ASPH: variants seen among roughly 807,000 people sequenced by gnomAD.
ASPH encodes aspartate beta-hydroxylase, also known as aspartyl/asparaginyl beta-hydroxylase.
A neutral mutation model predicts 118.4 loss-of-function variants in ASPH; 100 were observed. The ratio of observed to expected loss-of-function variants is 0.84; its 90% CI spans 0.72 to 1.00. ASPH has a LOEUF of 1.00. Among genes scored for constraint, ASPH ranks in the 50% least tolerant of loss-of-function variants. The pLI, the probability that ASPH is intolerant of heterozygous loss-of-function variation, is 0.00. For missense variants in ASPH, 920 were observed against 919.5 expected (o/e 1.00, Z -0.01); for synonymous variants, 315 against 325.6 (o/e 0.97, Z 0.35).
Position 61,625,792 on chromosome 8 carries a change from G to A in ASPH, c.935-6773C>T, listed in dbSNP as rs537323417. The A allele has an allele frequency of 5.8e-5, 57 of 986,112 alleles. No homozygotes were observed. In the South Asian group the frequency reaches 9.9e-4, roughly 17 times the overall value. 61.1% of individuals were successfully genotyped at this position (986,112 alleles called of 1,614,324 possible). On this transcript the variant is annotated intron_variant, in intron 13 of 24. Coordinates refer to ENST00000379454, the MANE Select transcript of ASPH (RefSeq NM_004318.4). ...ACAGCTAATGATGATCTCTGTTAGC[G>A]TTTTTAAGAGTGCTAACACAAAGTA...
At chr8:61,552,893 A>C (rs1826500418) in intron 20 of ASPH, 138 bp downstream of exon 20, 1 of 662,278 alleles carries the variant, frequency 1.5e-6, no homozygotes. Context: ...AAGATAGTTT[A>C]AGTAACTAAA....
chr8:61,610,842 G>T (rs1847095391), intron 14 of ASPH, among the ~76,000 whole-genome samples: 1 of 152,114 alleles, frequency 6.6e-6, no homozygotes, highest in South Asian at 2.1e-4. Flanking sequence ...CATCTCCAGT[G>T]GGCAGCAAAA....
intron 22 of ASPH, among the ~76,000 whole-genome samples, chr8:61,525,476 G>A (rs542370630): frequency 2.0e-5 from 3 of 152,238 alleles, no homozygotes; most frequent in Admixed American, 2.0e-4. Context: ...TGAGACAGCA[G>A]TTATTATTGT....
intron 1 of ASPH, among the ~76,000 whole-genome samples, chr8:61,700,462 T>C (rs1194007691): frequency 1.3e-5 from 2 of 152,150 alleles, no homozygotes; most frequent in African/African-American, 4.8e-5. Context: ...ATGGTCAAGA[T>C]CCTCTGCTAC....
chr8:61,622,381 G>A (rs901667216), intron 13 of ASPH, among the ~76,000 whole-genome samples: 6 of 152,144 alleles, frequency 3.9e-5, no homozygotes, highest in Non-Finnish European at 8.8e-5. Flanking sequence ...TACTGTACTC[G>A]TGTTCCAGCC....
intron 4 of ASPH, among the ~76,000 whole-genome samples, chr8:61,652,626 A>G (rs1434058926): frequency 6.6e-6 from 1 of 152,208 alleles, no homozygotes; most frequent in African/African-American, 2.4e-5. Context: ...ATGGCAGAAA[A>G]AAGAAATGTG....
chr8:61,713,061 AAC>A (rs1838437549), intron 1 of ASPH, among the ~76,000 whole-genome samples: 1 of 152,242 alleles, frequency 6.6e-6, no homozygotes, highest in Non-Finnish European at 1.5e-5. Flanking sequence ...GTGAAAAAGG[AAC>A]ACAAACTTTC....
chr8:61,504,252 A>C (rs554559281), intron 24 of ASPH, among the ~76,000 whole-genome samples: 21 of 152,316 alleles, frequency 1.4e-4, no homozygotes, highest in African/African-American at 5.1e-4. Flanking sequence ...AGAGTTTATG[A>C]GGGACACTGA....
chr8:61,513,818 T>C (rs867890643), intron 24 of ASPH, among the ~76,000 whole-genome samples: 47 of 152,134 alleles, frequency 3.1e-4, no homozygotes, highest in African/African-American at 9.9e-4. Context: ...CTAACCCTCC[T>C]CTGCCTCTGC....
At position 61,525,991 on chromosome 8, in the gene ASPH, G is replaced by A. The variant is rs199833011; in HGVS notation, c.1886C>T (p.Thr629Met). ...LREKGDWSQFTLWQQGRRNEN... is the reference protein window; with the variant it reads ...LREKGDWSQFMLWQQGRRNEN... ...CAGAAACTCACCTTGCTGCCACAGC[G>A]TGAACTGGCTCCAGTCCCCTTTTTC... Residue 629 changes from threonine (T) to methionine (M), a missense_variant, in exon 22 of 25, where the codon ACG becomes ATG. By Grantham distance (81) the Thr-to-Met change is moderately conservative. Transcript: ENST00000379454. 8.7e-5 allele frequency: 140 copies of A among 1,613,806 alleles called. No individual in the cohort carries two copies. The highest frequency in any genetic ancestry group is 1.1e-4 in the Non-Finnish European group (128 of 1,179,900).
chr8:61,593,536 T>C (rs1841770865), intron 14 of ASPH, among the ~76,000 whole-genome samples: 1 of 152,212 alleles, frequency 6.6e-6, no homozygotes, highest in Non-Finnish European at 1.5e-5. Context: ...AAATAGTATA[T>C]AAAGGGCAAT....
chr8:61,552,987 T>C, intron 20 of ASPH, 44 bp downstream of exon 20: 1 of 1,442,756 alleles, frequency 6.9e-7, no homozygotes, highest in Non-Finnish European at 9.7e-7. Context: ...TTCTCCCAAC[T>C]CCATCCTCTG....
intron 15 of ASPH, chr8:61,579,677 T>C (rs567026307): frequency 2.2e-6 from 3 of 1,387,226 alleles, no homozygotes; most frequent in East Asian, 2.3e-5. Context: ...AGTGAACAGC[T>C]GTGGCAGCCC....
Position 61,508,749 on chromosome 8 carries a change from T to C in ASPH, c.2127-5240A>G, listed in dbSNP as rs897255596. 5.3e-5 allele frequency among the ~76,000 whole-genome samples: 8 copies of C among 152,176 alleles called. No homozygotes were observed. The South Asian group carries it at 6.2e-4, about 12-fold the overall frequency. On this transcript the variant is annotated intron_variant, in intron 24 of 24. Coordinates refer to ENST00000379454, the MANE Select transcript of ASPH (RefSeq NM_004318.4). ...AGCCCAACACATTGACTTAAGACCA[T>C]GGTCAAGAGACATTCTTAGTGTCTG...
intron 15 of ASPH, chr8:61,579,376 T>C: frequency 6.8e-6 from 11 of 1,613,966 alleles, no homozygotes; most frequent in Non-Finnish European, 9.3e-6. Flanking sequence ...GCCCTGGACA[T>C]CGAGATCGCC....
intron 1 of ASPH, among the ~76,000 whole-genome samples, chr8:61,702,531 C>T (rs993076542): frequency 6.6e-6 from 1 of 152,066 alleles, no homozygotes; most frequent in Non-Finnish European, 1.5e-5. Context: ...TGTGATCCAC[C>T]GGCCTTGGCC....
chr8:61,567,432 C>T (rs545240472), intron 16 of ASPH, 114 bp from the exon 17 acceptor site: 9 of 1,166,462 alleles, frequency 7.7e-6, no homozygotes, highest in Admixed American at 5.2e-5. Flanking sequence ...ATGTAAGACA[C>T]GTTAGCCTTT....
At position 61,632,569 on chromosome 8, in the gene ASPH, C is replaced by A. The variant is rs779417918; in HGVS notation, c.934+1114G>T. On this transcript the variant is annotated intron_variant, in intron 13 of 24. Coordinates refer to ENST00000379454, the MANE Select transcript of ASPH (RefSeq NM_004318.4). ...GTATTTTAAACACAAATACACACTG[C>A]CTAGTAGTCATCATGTAAAAGGTCA... is the stretch of plus-strand genomic sequence containing the variant. 7.0e-4 allele frequency: 295 copies of A among 423,984 alleles called. 2 individuals carry two copies. The highest frequency in any genetic ancestry group is 1.0e-3 in the Non-Finnish European group (225 of 216,104). 26.3% of individuals were successfully genotyped at this position (423,984 alleles called of 1,614,324 possible). A position where few individuals can be genotyped will look rare whatever the true frequency, so the allele number is the denominator to read the frequency against.
rs1804747028 is a variant in ASPH at position 61,500,838 on chromosome 8, T to C, written c.*2521A>G. 1 of 152,176 alleles carries C rather than the reference T, an allele frequency of 6.6e-6. No homozygotes were observed. The highest frequency in any genetic ancestry group is 1.5e-5 in the Non-Finnish European group (1 of 68,036). 9.4% of individuals were successfully genotyped at this position (152,176 alleles called of 1,614,324 possible). A position where few individuals can be genotyped will look rare whatever the true frequency, so the allele number is the denominator to read the frequency against. ...ATATGATTTTACATTATTTTAAATA[T>C]TTGGGAGAGTTAATTTGTTAGCTAA... is the stretch of plus-strand genomic sequence containing the variant. On this transcript the variant is annotated 3_prime_UTR_variant, in exon 25 of 25. Transcript: ENST00000379454.
Sources: allele counts gnomAD v4.1 joint callset (sites outside exome capture counted in the v4.1 genomes callset), GRCh38; gene constraint gnomAD v4.1.1; transcripts MANE v1.5; gene names NCBI Gene and HGNC (gene_info 2026-07-23, HGNC 2026-07-21).